The following RELL1 variants were observed in gnomAD, a reference collection of about 807,000 sequenced individuals.
The protein encoded by RELL1 is RELT like 1.
Under a neutral mutation model 23.0 loss-of-function variants are expected in RELL1, and 10 were observed. The observed-to-expected ratio is 0.43, with a 90% CI of 0.27 to 0.74. The LOEUF is 0.74. RELL1 is among the 30% of genes least tolerant of loss of function. The pLI is 0.19. For synonymous variants in RELL1, 146 were observed against 146.8 expected, an observed-to-expected ratio of 0.99 and a Z score of 0.04; for missense variants, 315 against 364.4, an observed-to-expected ratio of 0.86 and a Z score of 1.10.
intron 1 of RELL1, among the ~76,000 whole-genome samples, chr4:37,668,484 C>CCGG (rs1239770890): frequency 1.3e-5 from 2 of 152,036 alleles, no homozygotes; most frequent in Admixed American, 1.3e-4. Context: ...TCCCGAGGTG[C>CCGG]CGGGATTGCA....
intron 1 of RELL1, among the ~76,000 whole-genome samples, chr4:37,679,039 G>A (rs1450956498): frequency 6.6e-6 from 1 of 152,154 alleles, no homozygotes; most frequent in East Asian, 1.9e-4. Context: ...TTGGGGTATT[G>A]CAGGTGGGAA....
intron 1 of RELL1, among the ~76,000 whole-genome samples, chr4:37,680,587 T>C (rs1379031519): frequency 6.6e-6 from 1 of 152,202 alleles, no homozygotes; most frequent in Non-Finnish European, 1.5e-5. Flanking sequence ...GATACAAAGT[T>C]ATATTGCATT....
intron 5 of RELL1, among the ~76,000 whole-genome samples, chr4:37,632,554 G>A (rs1720180054): frequency 6.6e-6 from 1 of 152,140 alleles, no homozygotes; most frequent in East Asian, 1.9e-4. Context: ...ATGTTTACCA[G>A]AAGATGACGA....
intron 4 of RELL1, among the ~76,000 whole-genome samples, chr4:37,636,790 C>G (rs183698292): frequency 1.2e-4 from 18 of 152,042 alleles, no homozygotes; most frequent in Admixed American, 2.0e-4. Context: ...TGGACTGTGG[C>G]AAGAGCCCCA....
At position 37,627,722 on chromosome 4, in the gene RELL1, A is replaced by G. The variant is rs74926171; in HGVS notation, c.*3+3663T>C. On this transcript the variant is annotated intron_variant, in intron 6 of 6. Coordinates refer to ENST00000454158, the MANE Select transcript of RELL1 (RefSeq NM_001085400.2). ...AGAAATAAAAAAAGAAACCTAACCA[A>G]TAAGTGGATATGCATTTGTATTTGA... Among the ~76,000 whole-genome samples the G allele has an allele frequency of 4.1e-3, 620 of 152,368 alleles. 7 individuals are homozygous for G. Among genetic ancestry groups the G allele is most frequent in the African/African-American group, 0.014 (569 of 41,580 alleles).
chr4:37,620,383 C>A (rs1719725669), intron 6 of RELL1, among the ~76,000 whole-genome samples: 1 of 152,176 alleles, frequency 6.6e-6, no homozygotes, highest in Admixed American at 6.5e-5. Context: ...CAAGTGACAG[C>A]AACTGAACAC....
At chr4:37,675,505 A>G (rs776746370) in intron 1 of RELL1, among the ~76,000 whole-genome samples, 23 of 152,212 alleles carry the variant, frequency 1.5e-4, no homozygotes, top group Non-Finnish European at 2.9e-4. Context: ...AGGCAATCAA[A>G]TATTTTGTAC....
chr4:37,597,098 C>A (rs986297831), intron 6 of RELL1, among the ~76,000 whole-genome samples: 2 of 152,042 alleles, frequency 1.3e-5, no homozygotes, highest in Non-Finnish European at 2.9e-5. Context: ...GTGTGGACCA[C>A]GCACTTATAA....
intron 5 of RELL1, among the ~76,000 whole-genome samples, chr4:37,633,591 T>C (rs1040042826): frequency 2.0e-5 from 3 of 152,166 alleles, no homozygotes; most frequent in Non-Finnish European, 2.9e-5. Flanking sequence ...AGTGTGGTCA[T>C]GAATTGTGCT....
chr4:37,622,900 G>A (rs552463874), intron 6 of RELL1: 75 of 444,404 alleles, frequency 1.7e-4, no homozygotes, highest in African/African-American at 1.1e-3. Context: ...TGCCTCCCGG[G>A]TTCAACTGAC....
chr4:37,615,720 CAG>C (rs1016258900), intron 6 of RELL1, among the ~76,000 whole-genome samples: 1 of 152,150 alleles, frequency 6.6e-6, no homozygotes, highest in African/African-American at 2.4e-5. Flanking sequence ...ACATGGAAAA[CAG>C]AATTCAGAAA....
Position 37,615,007 on chromosome 4 carries a change from G to A in RELL1, c.*4-1665C>T, listed in dbSNP as rs79318773. On this transcript the variant is annotated intron_variant, in intron 6 of 6. Coordinates refer to ENST00000454158, the MANE Select transcript of RELL1 (RefSeq NM_001085400.2). ...AAGGAGGGGCCTGGATTCAAATCCAGACCCCTACTCCCAGCCGTGGAACCG... is the reference window on the plus strand; with the variant it reads ...AAGGAGGGGCCTGGATTCAAATCCAAACCCCTACTCCCAGCCGTGGAACCG... Among the ~76,000 whole-genome samples, 131 of 152,228 alleles carry A rather than the reference G, an allele frequency of 8.6e-4. 1 individual carries two copies. In the East Asian group the frequency reaches 0.024, roughly 28 times the overall value.
Position 37,649,446 on chromosome 4 carries a change from C to G in RELL1, c.143G>C (p.Ser48Thr). Residue 48 changes from serine (S) to threonine (T), a missense_variant, in exon 2 of 7, where the codon AGC becomes ACC. Coordinates refer to ENST00000454158, the MANE Select transcript of RELL1 (RefSeq NM_001085400.2). ...TGGGTGTCCATTCCCAGTATCGTTG[C>G]TGGGCGACGGGGTCGTCTCTGTTCT... is the stretch of plus-strand genomic sequence containing the variant. The part of the protein sequence containing the change: ...HSRTETTPSP[S>T]NDTGNGHPEY... 6.2e-7 allele frequency: 1 copy of G among 1,614,216 alleles called. No homozygotes were observed. The highest frequency in any genetic ancestry group is 8.5e-7 in the Non-Finnish European group (1 of 1,180,014).
chr4:37,596,736 A>ATATATATATATATGTTTTTTTT (rs1365185216), intron 6 of RELL1, among the ~76,000 whole-genome samples: 1 of 16,498 alleles, frequency 6.1e-5, no homozygotes, highest in Admixed American at 1.2e-3. Flanking sequence ...ATATATATAT[A>ATATATATATATATGTTTTTTTT]TTTTTTTTTT....
intron 6 of RELL1, among the ~76,000 whole-genome samples, chr4:37,621,681 G>A (rs1560332525): frequency 6.6e-6 from 1 of 152,124 alleles, no homozygotes. Flanking sequence ...TGTCAAACAG[G>A]TGATAGGGAT....
intron 6 of RELL1, among the ~76,000 whole-genome samples, chr4:37,625,346 A>G (rs970616543): frequency 1.6e-4 from 25 of 152,028 alleles, no homozygotes; most frequent in Admixed American, 1.5e-3. Flanking sequence ...AAGCGCAGGC[A>G]ACAAAAATGG....
intron 6 of RELL1, among the ~76,000 whole-genome samples, chr4:37,596,876 G>A (rs1219589126): frequency 2.7e-5 from 4 of 147,180 alleles, no homozygotes; most frequent in South Asian, 2.2e-4. Flanking sequence ...AGCCTCCCAC[G>A]TAGCTGGAAT....
At chr4:37,660,807 A>G (rs372454715) in intron 1 of RELL1, among the ~76,000 whole-genome samples, 158 of 152,258 alleles carry the variant, frequency 1.0e-3, no homozygotes, top group African/African-American at 1.8e-3. Context: ...CAAGGCGGGC[A>G]GATCACAAGG....
At chr4:37,651,671 C>T (rs551208858) in intron 1 of RELL1, among the ~76,000 whole-genome samples, 4 of 152,228 alleles carry the variant, frequency 2.6e-5, no homozygotes, top group South Asian at 2.1e-4. Context: ...GTTAAATCCT[C>T]GGACCAGATG....
Sources: gnomAD v4.1 joint callset for allele counts (sites outside exome capture counted in the v4.1 genomes callset) on GRCh38, gnomAD v4.1.1 for gene constraint, MANE v1.5 for transcripts, NCBI Gene and HGNC (gene_info 2026-07-23, HGNC 2026-07-21) for gene names.